The following GRIA4 variants were observed in gnomAD, a reference collection of about 807,000 sequenced individuals.
GRIA4 encodes the protein glutamate ionotropic receptor AMPA type subunit 4.
A neutral mutation model predicts 104.0 loss-of-function variants in GRIA4; 34 were observed. The observed-to-expected ratio is 0.33, with a 90% CI of 0.25 to 0.44. The LOEUF is 0.44. Among genes scored for constraint, GRIA4 ranks in the 20% least tolerant of loss-of-function variants. The probability of loss-of-function intolerance (pLI) is 1.00; values close to 1 mark genes in which losing one functional copy is unlikely to be tolerated. For missense variants in GRIA4, 750 were observed against 1,096.5 expected, an observed-to-expected ratio of 0.68 and a Z score of 4.46; for synonymous variants, 386 against 381.9, an observed-to-expected ratio of 1.01 and a Z score of -0.13.
In GRIA4 at chr11:105,635,464, TGAG is replaced by T. The variant is rs1362945330; in HGVS notation, c.247+23034_247+23036del. On this transcript the variant is annotated intron_variant, in intron 3 of 16. Coordinates refer to ENST00000282499, the MANE Select transcript of GRIA4 (RefSeq NM_000829.4). ...TATTATATTTTTCATTGGTTTTACT[TGAG>T]GAGAAGTGGCCAAATAAAATTGAAA... 1.4e-4 allele frequency among the ~76,000 whole-genome samples: 21 copies of T among 152,150 alleles called. 1 individual carries two copies. Among genetic ancestry groups the T allele is most frequent in the African/African-American group, 3.9e-4 (16 of 41,436 alleles).
At chr11:105,686,986 G>A (rs1952903373) in intron 3 of GRIA4, among the ~76,000 whole-genome samples, 1 of 152,104 alleles carries the variant, frequency 6.6e-6, no homozygotes, top group African/African-American at 2.4e-5. Context: ...TGCTTAGTTA[G>A]TGAAATTTTT....
At chr11:105,788,327 A>T (rs1193544303) in intron 4 of GRIA4, among the ~76,000 whole-genome samples, 1 of 152,190 alleles carries the variant, frequency 6.6e-6, no homozygotes, top group Non-Finnish European at 1.5e-5. Flanking sequence ...TCTGTAGGAA[A>T]AACAGTATGG....
At chr11:105,866,551 G>GTGTATATATATATATATATA (rs1299256765) in intron 5 of GRIA4, among the ~76,000 whole-genome samples, 14 of 76,686 alleles carry the variant, frequency 1.8e-4, no homozygotes, top group African/African-American at 7.8e-4. Flanking sequence ...GTGTGTGTGT[G>GTGTATATATATATATATATA]TATATATATA....
At chr11:105,614,846 G>A (rs967991963) in intron 3 of GRIA4, among the ~76,000 whole-genome samples, 3 of 151,864 alleles carry the variant, frequency 2.0e-5, no homozygotes, top group African/African-American at 4.8e-5. Context: ...ATACAGACTC[G>A]TGATTTTCCA....
chr11:105,799,132 G>C (rs1248453755), intron 4 of GRIA4, among the ~76,000 whole-genome samples: 2 of 152,084 alleles, frequency 1.3e-5, no homozygotes, highest in Non-Finnish European at 2.9e-5. Flanking sequence ...AGCTAGAGTA[G>C]CTAGCAAGGT....
At chr11:105,896,823 T>C (rs1400153011) in intron 6 of GRIA4, among the ~76,000 whole-genome samples, 2 of 152,212 alleles carry the variant, frequency 1.3e-5, no homozygotes, top group African/African-American at 2.4e-5. Flanking sequence ...CCTTATAGTA[T>C]AGTCTTAAGT....
chr11:105,732,987 A>G (rs1332925454), intron 3 of GRIA4, among the ~76,000 whole-genome samples: 1 of 152,204 alleles, frequency 6.6e-6, no homozygotes, highest in Non-Finnish European at 1.5e-5. Context: ...AAATGTCCAA[A>G]TTGTGTATAC....
At chr11:105,648,587 A>C (rs1299852606) in intron 3 of GRIA4, among the ~76,000 whole-genome samples, 4 of 151,792 alleles carry the variant, frequency 2.6e-5, no homozygotes, top group Non-Finnish European at 5.9e-5. Flanking sequence ...TAATAAATGC[A>C]AAAAGGAAAA....
intron 4 of GRIA4, among the ~76,000 whole-genome samples, chr11:105,789,652 A>T (rs565938477): frequency 6.6e-6 from 1 of 152,270 alleles, no homozygotes; most frequent in African/African-American, 2.4e-5. Context: ...GAAAGTTATT[A>T]GAGTCAATCA....
At chr11:105,813,144 G>A (rs1943246601) in intron 4 of GRIA4, among the ~76,000 whole-genome samples, 2 of 149,312 alleles carry the variant, frequency 1.3e-5, no homozygotes, top group Admixed American at 1.3e-4. Context: ...GGAATGACCA[G>A]CTGGTCTCCT....
chr11:105,687,697 T>C (rs778489522), intron 3 of GRIA4, among the ~76,000 whole-genome samples: 12 of 152,208 alleles, frequency 7.9e-5, no homozygotes, highest in Non-Finnish European at 1.5e-4. Flanking sequence ...GGCATAGCCA[T>C]ATTGCAGGTG....
chr11:105,677,873 G>A (rs1423093747), intron 3 of GRIA4, among the ~76,000 whole-genome samples: 1 of 151,940 alleles, frequency 6.6e-6, no homozygotes, highest in Non-Finnish European at 1.5e-5. Flanking sequence ...CAAATGATCA[G>A]GTCACAGAGA....
chr11:105,743,248 T>C (rs1939429261), intron 3 of GRIA4, among the ~76,000 whole-genome samples: 1 of 152,180 alleles, frequency 6.6e-6, no homozygotes, highest in Non-Finnish European at 1.5e-5. Context: ...TCTAGATGAT[T>C]CAGCATATGC....
chr11:105,930,428 T>G (rs1947839401), intron 13 of GRIA4, among the ~76,000 whole-genome samples: 1 of 152,140 alleles, frequency 6.6e-6, no homozygotes, highest in Non-Finnish European at 1.5e-5. Context: ...ATATTTAGCA[T>G]AGCTACTCTG....
intron 4 of GRIA4, among the ~76,000 whole-genome samples, chr11:105,758,064 C>G (rs917055923): frequency 6.6e-6 from 1 of 152,018 alleles, no homozygotes; most frequent in Non-Finnish European, 1.5e-5. Context: ...GACATCATAG[C>G]AAGACCCTGT....
At chr11:105,745,000 C>G (rs965959223) in intron 3 of GRIA4, among the ~76,000 whole-genome samples, 3 of 152,072 alleles carry the variant, frequency 2.0e-5, no homozygotes, top group Admixed American at 2.0e-4. Context: ...ATAGGTAAAC[C>G]TTTTAATACA....
chr11:105,632,682 C>T (rs1306175174), intron 3 of GRIA4, among the ~76,000 whole-genome samples: 1 of 152,078 alleles, frequency 6.6e-6, no homozygotes, highest in Non-Finnish European at 1.5e-5. Flanking sequence ...GACTATAATC[C>T]TAGTGCTTTG....
At chr11:105,810,283 T>C (rs896778368) in intron 4 of GRIA4, among the ~76,000 whole-genome samples, 1 of 152,212 alleles carries the variant, frequency 6.6e-6, no homozygotes, top group Non-Finnish European at 1.5e-5. Context: ...TTGCAATCAC[T>C]TAACTTAGTT....
At chr11:105,812,078 A>T (rs954457511) in intron 4 of GRIA4, among the ~76,000 whole-genome samples, 1 of 152,220 alleles carries the variant, frequency 6.6e-6, no homozygotes, top group Non-Finnish European at 1.5e-5. Flanking sequence ...AGAAAAGAAA[A>T]CAGACAAAGC....
Sources: gnomAD v4.1 joint callset for allele counts (sites outside exome capture counted in the v4.1 genomes callset) on GRCh38, gnomAD v4.1.1 for gene constraint, MANE v1.5 for transcripts, NCBI Gene and HGNC (gene_info 2026-07-23, HGNC 2026-07-21) for gene names.